KCNJ12: variants seen among roughly 807,000 people sequenced by gnomAD.
The protein encoded by KCNJ12 is ATP-sensitive inward rectifier potassium channel 12.
Under a neutral mutation model 22.3 loss-of-function variants are expected in KCNJ12, and 2 were observed. That is an observed-to-expected ratio of 0.09 (90% CI 0.04 to 0.28). The LOEUF is 0.28. Ranked by LOEUF, KCNJ12 falls within the 10% of genes least tolerant of loss-of-function variation. KCNJ12 has a pLI of 1.00. For synonymous variants in KCNJ12, 117 were observed against 261.4 expected (o/e 0.45, Z 5.33); for missense variants, 155 against 633.3 (o/e 0.24, Z 8.11).
rs1906939356 is a variant in KCNJ12 at position 21,417,924 on chromosome 17, A to C, written c.*1280A>C. ...TGAATGGCAGAGGAAAGATCTTAGG[A>C]AAGGAGAGGAATCGCCACCCCCTCC... On this transcript the variant is annotated 3_prime_UTR_variant, in exon 3 of 3. Transcript: ENST00000583088. The C allele has an allele frequency of 1.2e-5, 2 of 167,346 alleles. No individual in the cohort carries two copies. Among genetic ancestry groups the C allele is most frequent in the African/African-American group, 4.8e-5 (2 of 41,422 alleles). The allele number at this position is 167,346 out of a possible 1,614,324, so 10.4% of individuals were successfully genotyped here.
chr17:21,382,563 C>G (rs1205795630), intron 1 of KCNJ12, among the ~76,000 whole-genome samples: 3 of 152,202 alleles, frequency 2.0e-5, no homozygotes, highest in Non-Finnish European at 4.4e-5. Context: ...ATGATCAACT[C>G]CAGCGGCTTT....
chr17:21,409,543 C>T (rs1299989200), intron 2 of KCNJ12, among the ~76,000 whole-genome samples: 25 of 152,384 alleles, frequency 1.6e-4, no homozygotes, highest in East Asian at 5.8e-4. Flanking sequence ...AGCCGACTCC[C>T]GCTGGGGAGG....
chr17:21,389,668 G>T (rs1488961866), intron 1 of KCNJ12, among the ~76,000 whole-genome samples: 1 of 152,096 alleles, frequency 6.6e-6, no homozygotes, highest in African/African-American at 2.4e-5. Flanking sequence ...GTGTGGTGGG[G>T]CAGGGACGGT....
rs1905597960 is a variant in KCNJ12, at chr17:21,401,103, G to A, written c.-178-7416G>A. 2.6e-5 allele frequency among the ~76,000 whole-genome samples: 4 copies of A among 152,290 alleles called. No individual in the cohort carries two copies. In the South Asian group the frequency reaches 8.3e-4, roughly 31 times the overall value. On this transcript the variant is annotated intron_variant, in intron 1 of 2. Transcript: ENST00000583088. ...CCTTGGGCTCTGCGGCAGGACCTCC[G>A]GGAACCTGCTCCACTGTCTCGGGGA...
intron 1 of KCNJ12, among the ~76,000 whole-genome samples, chr17:21,403,289 T>C (rs62050827): frequency 0.18 from 23,439 of 133,182 alleles, no homozygotes; most frequent in African/African-American, 0.24. Context: ...TCTTATTGAT[T>C]CATAAGAACT....
chr17:21,403,704 A>T (rs1235119142), intron 1 of KCNJ12, among the ~76,000 whole-genome samples: 6 of 152,248 alleles, frequency 3.9e-5, no homozygotes, highest in Non-Finnish European at 8.8e-5. Context: ...CATAGCTGTG[A>T]TGAAGGGAGA....
At chr17:21,382,489 C>T (rs1346347218) in intron 1 of KCNJ12, among the ~76,000 whole-genome samples, 1 of 122,736 alleles carries the variant, frequency 8.1e-6, no homozygotes, top group African/African-American at 2.8e-5. Flanking sequence ...CCTCTCCTTT[C>T]CAGTCTTTTT....
Position 21,416,409 on chromosome 17 carries a change from G to A in KCNJ12, c.1067G>A (p.Arg356His), listed in dbSNP as rs138394714. Residue 356 changes from arginine to histidine, a missense_variant, in exon 3 of 3, where the codon CGC becomes CAC. Coordinates refer to ENST00000583088, the MANE Select transcript of KCNJ12 (RefSeq NM_021012.5). ...ACCTATGAGGTGCCCTCTACGCCCC[G>A]CTGCAGTGCGAAGGATCTGGTAGAG... ...HKTYEVPSTP[R>H]CSAKDLVENK... is the part of the protein sequence containing the mutation. 4.5e-5 allele frequency: 72 copies of A among 1,613,754 alleles called. No homozygotes were observed. Among genetic ancestry groups the A allele is most frequent in the Middle Eastern group, 1.6e-4 (1 of 6,062 alleles).
intron 1 of KCNJ12, among the ~76,000 whole-genome samples, chr17:21,392,826 G>C (rs1229457296): frequency 2.0e-5 from 3 of 152,214 alleles, no homozygotes; most frequent in African/African-American, 7.2e-5. Flanking sequence ...CAGCACGGTC[G>C]GGGCAACCTT....
At chr17:21,381,370 C>T (rs1904861761) in intron 1 of KCNJ12, among the ~76,000 whole-genome samples, 1 of 152,138 alleles carries the variant, frequency 6.6e-6, no homozygotes, top group Non-Finnish European at 1.5e-5. Flanking sequence ...TTCTATGTGC[C>T]TGGTGCACTC....
chr17:21,414,456 C>T (rs74949654), intron 2 of KCNJ12, among the ~76,000 whole-genome samples: 10 of 142,698 alleles, frequency 7.0e-5, no homozygotes, highest in South Asian at 2.3e-4. Context: ...GCCTAGGTGA[C>T]GAGAGGAAGA....
chr17:21,400,649 C>T (rs1905556934), intron 1 of KCNJ12, among the ~76,000 whole-genome samples: 1 of 152,312 alleles, frequency 6.6e-6, no homozygotes, highest in African/African-American at 2.4e-5. Flanking sequence ...GGCCCTGGCC[C>T]TGAGCTGGCA....
At chr17:21,382,422 C>T (rs1322971389) in intron 1 of KCNJ12, among the ~76,000 whole-genome samples, 1 of 152,190 alleles carries the variant, frequency 6.6e-6, no homozygotes, top group East Asian at 1.9e-4. Flanking sequence ...CTGTTTCTTG[C>T]CCAGTTAAGC....
chr17:21,388,154 T>G (rs1348897007), intron 1 of KCNJ12, among the ~76,000 whole-genome samples: 1 of 152,216 alleles, frequency 6.6e-6, no homozygotes, highest in African/African-American at 2.4e-5. Flanking sequence ...GAGGGTGTTT[T>G]CCTGACCTTA....
intron 1 of KCNJ12, among the ~76,000 whole-genome samples, chr17:21,401,511 G>T (rs1905623058): frequency 1.3e-5 from 2 of 152,348 alleles, no homozygotes; most frequent in Admixed American, 1.3e-4. Context: ...TCCTGCAGGG[G>T]CCACCCTGCT....
Position 21,415,336 on chromosome 17 carries a change from C to T in KCNJ12, c.-7C>T. 1 of 1,604,592 alleles carries T rather than the reference C, an allele frequency of 6.2e-7. No individual in the cohort carries two copies. On this transcript the variant is annotated 5_prime_UTR_variant, in exon 3 of 3. Coordinates refer to ENST00000583088, the MANE Select transcript of KCNJ12 (RefSeq NM_021012.5). ...TGGGGGCGAGCCAGGGTCCCCCAAC[C>T]CCCGGGATGACCGCGGCCAGCCGGG... is the stretch of plus-strand genomic sequence containing the variant.
intron 1 of KCNJ12, among the ~76,000 whole-genome samples, chr17:21,391,099 G>T (rs1012645942): frequency 6.6e-6 from 1 of 152,216 alleles, no homozygotes; most frequent in Non-Finnish European, 1.5e-5. Context: ...TCTCCATCAT[G>T]TCCTCCAGGC....
At chr17:21,392,788 AG>A (rs1190056915) in intron 1 of KCNJ12, among the ~76,000 whole-genome samples, 5 of 152,224 alleles carry the variant, frequency 3.3e-5, no homozygotes, top group Non-Finnish European at 7.3e-5. Flanking sequence ...TGGTGGAGAC[AG>A]GTGGAAGGCC....
intron 2 of KCNJ12, among the ~76,000 whole-genome samples, chr17:21,414,654 G>GCACAA (rs1906583745): frequency 6.6e-6 from 1 of 152,298 alleles, no homozygotes; most frequent in Non-Finnish European, 1.5e-5. Context: ...GGGTCTTCCT[G>GCACAA]GGGCACAAGG....
Sources: allele counts gnomAD v4.1 joint callset (sites outside exome capture counted in the v4.1 genomes callset), GRCh38; gene constraint gnomAD v4.1.1; transcripts MANE v1.5; gene names NCBI Gene and HGNC (gene_info 2026-07-23, HGNC 2026-07-21).